TRAK1: variants seen among roughly 807,000 people sequenced by gnomAD.
TRAK1 encodes trafficking kinesin protein 1.
A neutral mutation model predicts 92.1 loss-of-function variants in TRAK1; 33 were observed. That is an observed-to-expected ratio of 0.36 (90% CI 0.27 to 0.48). The LOEUF (loss-of-function observed/expected upper bound fraction) is 0.48, where lower values mean the gene tolerates loss of function less well. Among genes scored for constraint, TRAK1 ranks in the 20% least tolerant of loss-of-function variants. TRAK1 has a pLI of 0.99. For missense variants in TRAK1, 1,123 were observed against 1,257.9 expected (o/e 0.89, Z 1.62); for synonymous variants, 521 against 517.3 (o/e 1.01, Z -0.10).
Position 42,091,417 on chromosome 3 carries a change from C to G in TRAK1, c.-53C>G. 1.3e-6 allele frequency: 2 copies of G among 1,563,518 alleles called. No homozygotes were observed. The highest frequency in any genetic ancestry group is 1.8e-6 in the Non-Finnish European group (2 of 1,139,774). ...TGCGAGGTACTGCCGGGGCTGAGCTCTCATGGAGGCTCTCTCTGTTCTCTG... is the reference window on the plus strand; with the variant it reads ...TGCGAGGTACTGCCGGGGCTGAGCTGTCATGGAGGCTCTCTCTGTTCTCTG... On this transcript the variant is annotated 5_prime_UTR_variant, in exon 1 of 16. Coordinates refer to ENST00000327628, the MANE Select transcript of TRAK1 (RefSeq NM_001042646.3).
chr3:42,079,246 C>A (rs941206671), intron 1 of TRAK1, among the ~76,000 whole-genome samples: 4 of 152,114 alleles, frequency 2.6e-5, no homozygotes, highest in Non-Finnish European at 5.9e-5. Context: ...TTTTTGAAAA[C>A]TTTTGCCATA....
chr3:42,212,656 T>G lies in TRAK1; in HGVS notation c.1963+2671T>G, dbSNP rs1026430143. On this transcript the variant is annotated intron_variant, in intron 14 of 15. Coordinates refer to ENST00000327628, the MANE Select transcript of TRAK1 (RefSeq NM_001042646.3). Reference sequence around the variant, plus strand: ...ATAGTTTTACTTTATTTCAGTGATATGTTTTATGTTTTAATTTATATAGAA... The same window carrying G: ...ATAGTTTTACTTTATTTCAGTGATAGGTTTTATGTTTTAATTTATATAGAA... The G allele has an allele frequency of 6.0e-6, 4 of 661,378 alleles. No individual in the cohort carries two copies. In the African/African-American group the frequency reaches 7.8e-5, roughly 13 times the overall value. 41.0% of individuals were successfully genotyped at this position (661,378 alleles called of 1,614,324 possible). A position where few individuals can be genotyped will look rare whatever the true frequency, so the allele number is the denominator to read the frequency against.
chr3:42,065,746 C>T (rs1426134561), intron 1 of TRAK1, among the ~76,000 whole-genome samples: 2 of 152,096 alleles, frequency 1.3e-5, no homozygotes, highest in Non-Finnish European at 2.9e-5. Context: ...CCTCTCACCT[C>T]AGCCTCCCAA....
intron 1 of TRAK1, among the ~76,000 whole-genome samples, chr3:42,066,882 G>A (rs1210488072): frequency 1.3e-5 from 2 of 152,150 alleles, no homozygotes; most frequent in African/African-American, 4.8e-5. Flanking sequence ...TGGGGGGAGG[G>A]ATGATGTGCT....
At chr3:42,217,173 G>T (rs1487539754) in intron 14 of TRAK1, 1 of 886,044 alleles carries the variant, frequency 1.1e-6, no homozygotes, top group Non-Finnish European at 1.3e-6. Context: ...TTGCTTCTCT[G>T]TAGCAAGCAT....
chr3:42,210,064 T>A (rs536387009), intron 14 of TRAK1, 79 bp downstream of exon 14: 1 of 1,610,446 alleles, frequency 6.2e-7, no homozygotes, highest in African/African-American at 1.4e-5. Flanking sequence ...CCAGAGGAGA[T>A]GCAGGAGCCG....
chr3:42,102,108 C>G (rs1185635662), intron 1 of TRAK1, among the ~76,000 whole-genome samples: 1 of 152,248 alleles, frequency 6.6e-6, no homozygotes, highest in Non-Finnish European at 1.5e-5. Context: ...GCCTCACCCT[C>G]CCGAGTAGCT....
intron 2 of TRAK1, among the ~76,000 whole-genome samples, chr3:42,142,606 G>C (rs1698814292): frequency 6.6e-6 from 1 of 152,208 alleles, no homozygotes; most frequent in African/African-American, 2.4e-5. Context: ...ATCCTACTTA[G>C]AGACATATTT....
At position 42,202,191 on chromosome 3, in the gene TRAK1, G is replaced by T. The variant is rs564640784; in HGVS notation, c.1428-245G>T. 6.6e-6 allele frequency among the ~76,000 whole-genome samples: 1 copy of T among 152,110 alleles called. No homozygotes were observed. Among genetic ancestry groups the T allele is most frequent in the Non-Finnish European group, 1.5e-5 (1 of 68,028 alleles). Reference sequence around the variant, plus strand: ...CAGGGACTGAATTTACTTAGTCTGTGTGCAGATATTCATCCCACCTTAGTC... The same window carrying T: ...CAGGGACTGAATTTACTTAGTCTGTTTGCAGATATTCATCCCACCTTAGTC... On this transcript the variant is annotated intron_variant, in intron 12 of 15. Coordinates refer to ENST00000327628, the MANE Select transcript of TRAK1 (RefSeq NM_001042646.3). This position sits in a 1 kb window ranked among gnomAD's most constrained non-coding sequence, Gnocchi z 6.1.
chr3:42,038,253 A>G (rs1004655538), intron 1 of TRAK1, among the ~76,000 whole-genome samples: 1 of 152,186 alleles, frequency 6.6e-6, no homozygotes, highest in Non-Finnish European at 1.5e-5. Flanking sequence ...TCTCTTTTCT[A>G]GGTGCAAGGG....
At chr3:42,106,214 C>T in intron 1 of TRAK1, among the ~76,000 whole-genome samples, 1 of 152,182 alleles carries the variant, frequency 6.6e-6, no homozygotes, top group Non-Finnish European at 1.5e-5. Flanking sequence ...AATTAAAAGA[C>T]ACAGACTGGC....
rs1379747611 is a variant in TRAK1, at chr3:42,224,029, A to T, written c.*292A>T. 6.9e-6 allele frequency: 4 copies of T among 582,212 alleles called. No individual in the cohort carries two copies. The African/African-American group carries it at 7.4e-5, about 11-fold the overall frequency. 36.1% of individuals were successfully genotyped at this position (582,212 alleles called of 1,614,324 possible). ...GACGTCACCTGTGCTAACCTGGGGG[A>T]AGGTGGGGTCCTTTCTTCTTTCCTT... On this transcript the variant is annotated 3_prime_UTR_variant, in exon 16 of 16. Coordinates refer to ENST00000327628, the MANE Select transcript of TRAK1 (RefSeq NM_001042646.3).
intron 6 of TRAK1, 131 bp downstream of exon 6, chr3:42,189,255 G>A (rs1215740738): frequency 3.7e-5 from 24 of 656,726 alleles, no homozygotes; most frequent in South Asian, 1.9e-4. Context: ...CCAGGCGCTC[G>A]GCAGATGTGC....
intron 1 of TRAK1, among the ~76,000 whole-genome samples, chr3:42,063,241 T>A (rs1703522872): frequency 6.6e-6 from 1 of 152,264 alleles, no homozygotes; most frequent in Admixed American, 6.5e-5. Flanking sequence ...CCTCAAGGCC[T>A]GAAATAGTTA....
intron 1 of TRAK1, among the ~76,000 whole-genome samples, chr3:42,078,769 A>AAAAAG (rs1704283796): frequency 4.8e-5 from 7 of 144,582 alleles, no homozygotes; most frequent in East Asian, 2.0e-4. Flanking sequence ...AAAAAAAAAA[A>AAAAAG]AAAGAAAGAA....
chr3:42,131,150 G>A (rs1697148369), intron 2 of TRAK1, among the ~76,000 whole-genome samples: 1 of 152,094 alleles, frequency 6.6e-6, no homozygotes, highest in African/African-American at 2.4e-5. Flanking sequence ...GGAGTATCTG[G>A]CATGGAGTTT....
At chr3:42,090,077 C>T (rs1406151455), upstream of TRAK1, among the ~76,000 whole-genome samples, 1 of 152,118 alleles carries the variant, frequency 6.6e-6, no homozygotes, top group Non-Finnish European at 1.5e-5. Context: ...AGAATTTAGT[C>T]TAGTTGGGGA....
At chr3:42,125,362 C>T (rs951834335) in intron 1 of TRAK1, 58 bp from the exon 2 acceptor site, 55 of 1,534,030 alleles carry the variant, frequency 3.6e-5, no homozygotes, top group African/African-American at 1.7e-4. Flanking sequence ...GTTTAGTTAA[C>T]TAGCAGCAAG....
At position 42,092,337 on chromosome 3, in the gene TRAK1, T is replaced by C. The variant is rs1246742138; in HGVS notation, c.91+777T>C. Among the ~76,000 whole-genome samples the C allele has an allele frequency of 2.0e-5, 3 of 152,206 alleles. No individual in the cohort carries two copies. In the East Asian group the frequency reaches 5.8e-4, roughly 29 times the overall value. ...GAAAACAGTTAATTCCTGAGAGAAG[T>C]GAGCTCCTGTTCCATTCCAGTCAGT... is the stretch of plus-strand genomic sequence containing the variant. On this transcript the variant is annotated intron_variant, in intron 1 of 15. Coordinates refer to ENST00000327628, the MANE Select transcript of TRAK1 (RefSeq NM_001042646.3).
Sources: gnomAD v4.1 joint callset for allele counts (sites outside exome capture counted in the v4.1 genomes callset) on GRCh38, gnomAD v4.1.1 for gene constraint, Gnocchi (gnomAD v3.1) non-coding constraint, MANE v1.5 for transcripts, NCBI Gene and HGNC (gene_info 2026-07-23, HGNC 2026-07-21) for gene names.